Variants in GALNT9 observed in about 807,000 individuals in gnomAD.
GALNT9 encodes the protein GalNAc transferase 9.
A neutral mutation model predicts 63.1 loss-of-function variants in GALNT9; 47 were observed. The observed-to-expected ratio is 0.75, with a 90% CI of 0.59 to 0.95. GALNT9 has a LOEUF of 0.95. GALNT9 is among the 40% of genes least tolerant of loss of function. The probability of loss-of-function intolerance (pLI) is 0.00; values close to 1 mark genes in which losing one functional copy is unlikely to be tolerated. For missense variants in GALNT9, 829 were observed against 874.8 expected, an observed-to-expected ratio of 0.95 and a Z score of 0.66; for synonymous variants, 396 against 365.7, an observed-to-expected ratio of 1.08 and a Z score of -0.94.
chr12:132,295,555 C>T (rs565439255), intron 1 of GALNT9, among the ~76,000 whole-genome samples: 18 of 152,304 alleles, frequency 1.2e-4, no homozygotes, highest in Admixed American at 4.6e-4. Flanking sequence ...CAGAGACACA[C>T]GCAGAGAAGG....
intron 6 of GALNT9, among the ~76,000 whole-genome samples, chr12:132,209,194 C>T (rs957190390): frequency 1.3e-4 from 20 of 151,986 alleles, no homozygotes; most frequent in African/African-American, 4.1e-4. Flanking sequence ...GATAGGAGGT[C>T]GGCACAAGAC....
At chr12:132,218,149 T>TC (rs1444204530) in intron 6 of GALNT9, among the ~76,000 whole-genome samples, 2 of 152,166 alleles carry the variant, frequency 1.3e-5, no homozygotes, top group African/African-American at 4.8e-5. Context: ...CACCCACTCA[T>TC]CCATCCACCC....
Position 132,316,314 on chromosome 12 carries a change from C to T in GALNT9, c.238+12652G>A, listed in dbSNP as rs28459813. Among the ~76,000 whole-genome samples, 12,419 of 152,206 alleles carry T rather than the reference C, an allele frequency of 0.082. 608 individuals carry two copies. The highest frequency in any genetic ancestry group is 0.14 in the African/African-American group (5,657 of 41,488). On this transcript the variant is annotated intron_variant, in intron 1 of 10. Coordinates refer to ENST00000328957, the MANE Select transcript of GALNT9 (RefSeq NM_001122636.2). This position sits in a 1 kb window ranked among gnomAD's most constrained non-coding sequence, Gnocchi z 4.3. ...TGGGTTCTTCCCCAGCCCGACCCCA[C>T]GTCCCCATTTCACGATGCATTTTTA...
chr12:132,328,004 T>G (rs1418331722), intron 1 of GALNT9, among the ~76,000 whole-genome samples: 1 of 152,140 alleles, frequency 6.6e-6, no homozygotes, highest in Non-Finnish European at 1.5e-5. Context: ...GGAGGTTTGC[T>G]GGGGCTGCCA....
At chr12:132,313,887 C>T (rs1199744401) in intron 1 of GALNT9, among the ~76,000 whole-genome samples, 31 of 135,118 alleles carry the variant, frequency 2.3e-4, no homozygotes, top group African/African-American at 8.4e-4. Flanking sequence ...TCCGTACATA[C>T]ATACATACAT....
chr12:132,241,042 A>C (rs2136900541), intron 6 of GALNT9, among the ~76,000 whole-genome samples: 502 of 13,412 alleles, frequency 0.037, 1 homozygote, highest in African/African-American at 0.07. Flanking sequence ...ACACCCTTCC[A>C]GGGGCCCTCC....
intron 1 of GALNT9, among the ~76,000 whole-genome samples, chr12:132,293,751 G>A (rs1030212883): frequency 2.6e-5 from 4 of 152,182 alleles, no homozygotes; most frequent in African/African-American, 9.6e-5. Flanking sequence ...AGAACGAGAA[G>A]CCAGGTGAGC....
rs2135533268 is a variant in GALNT9 at position 132,245,498 on chromosome 12, C to T, written c.1077+2412G>A. Among the ~76,000 whole-genome samples, 1 of 152,194 alleles carries T rather than the reference C, an allele frequency of 6.6e-6. No individual in the cohort carries two copies. The highest frequency in any genetic ancestry group is 2.1e-4 in the South Asian group (1 of 4,826). Reference sequence around the variant, plus strand: ...CGGGAGGGAAGCTCTCCAACGGCTGCAGCCAGGGCCCTCTGTGGTCCGGCA... The same window carrying T: ...CGGGAGGGAAGCTCTCCAACGGCTGTAGCCAGGGCCCTCTGTGGTCCGGCA... On this transcript the variant is annotated intron_variant, in intron 6 of 10. Transcript: ENST00000328957. The surrounding 1 kb of genome is among the most constrained non-coding windows in gnomAD (Gnocchi z 6.3).
chr12:132,308,870 C>T (rs1881710268), intron 1 of GALNT9, among the ~76,000 whole-genome samples: 1 of 151,286 alleles, frequency 6.6e-6, no homozygotes, highest in African/African-American at 2.4e-5. Flanking sequence ...GCCTTACCCA[C>T]AGGGCTCGGG....
intron 2 of GALNT9, chr12:132,275,986 C>T (rs1218495814): frequency 6.6e-6 from 1 of 152,352 alleles, no homozygotes. Context: ...TTAGAGAGTC[C>T]AGGGCTGCCT....
At chr12:132,222,306 A>G (rs980931669) in intron 6 of GALNT9, among the ~76,000 whole-genome samples, 1 of 152,142 alleles carries the variant, frequency 6.6e-6, no homozygotes, top group Admixed American at 6.5e-5. Flanking sequence ...GGCCAGGCGC[A>G]GTGGCTCAAG....
intron 6 of GALNT9, among the ~76,000 whole-genome samples, chr12:132,220,723 C>T (rs999617211): frequency 6.6e-6 from 1 of 152,158 alleles, no homozygotes; most frequent in African/African-American, 2.4e-5. Flanking sequence ...ACAAGATTTC[C>T]ACATGGGGAG....
intron 6 of GALNT9, among the ~76,000 whole-genome samples, chr12:132,209,490 C>T (rs995141118): frequency 1.3e-5 from 2 of 152,146 alleles, no homozygotes; most frequent in Non-Finnish European, 2.9e-5. Context: ...GCAAAGGTTG[C>T]AGTGAGCCGA....
At chr12:132,204,681 A>G (rs547606189) in intron 6 of GALNT9, among the ~76,000 whole-genome samples, 2 of 151,948 alleles carry the variant, frequency 1.3e-5, no homozygotes, top group South Asian at 2.1e-4. Flanking sequence ...CGTCCCCACC[A>G]TCTGCTATTA....
chr12:132,260,847 G>A lies in GALNT9; in HGVS notation c.761+101C>T, dbSNP rs1352050234. On this transcript the variant is annotated intron_variant, in intron 4 of 10. Transcript: ENST00000328957. ...GCTACGGCGAGTCTCCCAGCCCCGG[G>A]GCCAACCCAGCGGCCAGGCTGCAGC... The A allele has an allele frequency of 4.2e-6, 6 of 1,421,252 alleles. No homozygotes were observed. In the African/African-American group the frequency reaches 4.3e-5, roughly 10 times the overall value. 88.0% of individuals were successfully genotyped at this position (1,421,252 alleles called of 1,614,324 possible). A position where few individuals can be genotyped will look rare whatever the true frequency, so the allele number is the denominator to read the frequency against.
intron 6 of GALNT9, among the ~76,000 whole-genome samples, chr12:132,211,850 C>T (rs189026135): frequency 6.6e-6 from 1 of 152,340 alleles, no homozygotes; most frequent in Admixed American, 6.5e-5. Flanking sequence ...CAGCAGGCCA[C>T]GTGCTCACAC....
intron 6 of GALNT9, among the ~76,000 whole-genome samples, chr12:132,220,427 A>T (rs939198465): frequency 2.0e-5 from 3 of 152,250 alleles, no homozygotes; most frequent in African/African-American, 7.2e-5. Flanking sequence ...GAAAAGCATT[A>T]ATCAAAAACA....
At chr12:132,224,580 ACACACCACACAACC>A (rs1387420594) in intron 6 of GALNT9, among the ~76,000 whole-genome samples, 10 of 79,332 alleles carry the variant, frequency 1.3e-4, no homozygotes, top group South Asian at 4.4e-4. Flanking sequence ...CCCCACACAC[ACACACCACACAACC>A]CACACCCCAC....
At chr12:132,204,085 ATC>A (rs1876452042) in intron 6 of GALNT9, among the ~76,000 whole-genome samples, 1 of 151,440 alleles carries the variant, frequency 6.6e-6, no homozygotes, top group Admixed American at 6.6e-5. Context: ...CACACCAACA[ATC>A]TGTTTACAAA....
Sources: gnomAD v4.1 joint callset for allele counts (sites outside exome capture counted in the v4.1 genomes callset) on GRCh38, gnomAD v4.1.1 for gene constraint, Gnocchi (gnomAD v3.1) non-coding constraint, MANE v1.5 for transcripts, NCBI Gene and HGNC (gene_info 2026-07-23, HGNC 2026-07-21) for gene names.